RAP1GAP2: variants seen among roughly 807,000 people sequenced by gnomAD.
RAP1GAP2 encodes the protein rap1 GTPase-activating protein 2.
A neutral mutation model predicts 95.0 loss-of-function variants in RAP1GAP2; 27 were observed. The observed-to-expected ratio is 0.28, with a 90% confidence interval of 0.21 to 0.39. RAP1GAP2 has a LOEUF of 0.39. Ranked by LOEUF, RAP1GAP2 falls within the 10% of genes least tolerant of loss-of-function variation. The probability of loss-of-function intolerance (pLI) is 1.00; values close to 1 mark genes in which losing one functional copy is unlikely to be tolerated. For missense variants in RAP1GAP2, 771 were observed against 970.0 expected (o/e 0.79, Z 2.72); for synonymous variants, 373 against 380.9 (o/e 0.98, Z 0.24).
chr17:2,889,135 C>G (rs2073603122), intron 2 of RAP1GAP2, among the ~76,000 whole-genome samples: 1 of 152,098 alleles, frequency 6.6e-6, no homozygotes, highest in African/African-American at 2.4e-5. Flanking sequence ...TGTTCTGTTT[C>G]TAGTGTTTTG....
chr17:2,783,132 C>T (rs933413220), intron 1 of RAP1GAP2, among the ~76,000 whole-genome samples: 4 of 152,260 alleles, frequency 2.6e-5, no homozygotes, highest in African/African-American at 4.8e-5. Flanking sequence ...GTGATGGAGC[C>T]GGGTTCTGAA....
In RAP1GAP2 at chr17:3,029,816, G is replaced by A. The variant is rs1199856647; in HGVS notation, c.2108-1106G>A. Among the ~76,000 whole-genome samples, 2 of 151,876 alleles carry A rather than the reference G, an allele frequency of 1.3e-5. No individual in the cohort carries two copies. Among genetic ancestry groups the A allele is most frequent in the Admixed American group, 6.6e-5 (1 of 15,196 alleles). On this transcript the variant is annotated intron_variant, in intron 22 of 24. Transcript: ENST00000254695. This position sits in a 1 kb window ranked among gnomAD's most constrained non-coding sequence, Gnocchi z 4.4. ...CTGCCACCACTCACACACACTTAAC[G>A]GAATTTTATTATACGATGGATGTCA...
chr17:2,794,524 C>T (rs370861781), upstream of RAP1GAP2, among the ~76,000 whole-genome samples: 13 of 152,288 alleles, frequency 8.5e-5, no homozygotes, highest in African/African-American at 3.1e-4. Flanking sequence ...CCACACAATC[C>T]TAACTTTCCT....
At chr17:2,951,760 G>C (rs918988755) in intron 3 of RAP1GAP2, among the ~76,000 whole-genome samples, 2 of 152,046 alleles carry the variant, frequency 1.3e-5, no homozygotes, top group Non-Finnish European at 2.9e-5. Context: ...TAGGCTGGGC[G>C]CAGTGGCTCA....
rs1452791669 is a variant in RAP1GAP2 at position 2,996,623 on chromosome 17, T to A, written c.1044+1157T>A. Among the ~76,000 whole-genome samples, 7 of 152,320 alleles carry A rather than the reference T, an allele frequency of 4.6e-5. No individual in the cohort carries two copies. In the East Asian group the frequency reaches 1.4e-3, roughly 29 times the overall value. ...AACCTTTCACCTCCAGCCCCTCTGTTCCCTTATGGCCTCTCTCACCTGCTG... is the reference window on the plus strand; with the variant it reads ...AACCTTTCACCTCCAGCCCCTCTGTACCCTTATGGCCTCTCTCACCTGCTG... On this transcript the variant is annotated intron_variant, in intron 13 of 24. Transcript: ENST00000254695.
At chr17:3,020,618 C>T in intron 19 of RAP1GAP2, 23 bp downstream of exon 19, 1 of 1,603,014 alleles carries the variant, frequency 6.2e-7, no homozygotes, top group Non-Finnish European at 8.5e-7. Flanking sequence ...AAACCCCTAC[C>T]CCAGCCTGAC....
At chr17:2,838,803 C>T (rs985169651) in intron 2 of RAP1GAP2, among the ~76,000 whole-genome samples, 3 of 152,180 alleles carry the variant, frequency 2.0e-5, no homozygotes, top group African/African-American at 7.2e-5. Context: ...TGCAGCTCAT[C>T]ACTTCAAGGA....
At position 2,810,522 on chromosome 17, in the gene RAP1GAP2, CTTTTTTTTTTT is replaced by C. The variant is rs1169922962; in HGVS notation, c.80+9988_80+9998del. Among the ~76,000 whole-genome samples the C allele has an allele frequency of 1.7e-4, 12 of 69,428 alleles. No homozygotes were observed. The South Asian group carries it at 7.4e-3, about 43-fold the overall frequency. 45.5% of individuals were successfully genotyped at this position (69,428 alleles called of 152,430 possible). ...GCTATCCCTCCCCTGTCCCCCCACC[CTTTTTTTTTTT>C]TTTTTTTTTTTTTTTGAGACGGAGT... On this transcript the variant is annotated intron_variant, in intron 2 of 24. Transcript: ENST00000254695.
intron 3 of RAP1GAP2, among the ~76,000 whole-genome samples, chr17:2,941,590 G>A (rs1440338682): frequency 2.0e-5 from 3 of 152,042 alleles, no homozygotes; most frequent in Admixed American, 2.0e-4. Context: ...TGAGATGTGG[G>A]ATGCCTTGTG....
rs559697106 is a variant in RAP1GAP2, at chr17:2,873,018, G to C, written c.81-32266G>C. On this transcript the variant is annotated intron_variant, in intron 2 of 24. Transcript: ENST00000254695. Reference sequence around the variant, plus strand: ...CTTGGGAGGCTGAGGCATGAGAATCGCTTGAACCCGAGGGGCGGAGGTTGC... The same window carrying C: ...CTTGGGAGGCTGAGGCATGAGAATCCCTTGAACCCGAGGGGCGGAGGTTGC... Among the ~76,000 whole-genome samples, 43 of 151,716 alleles carry C rather than the reference G, an allele frequency of 2.8e-4. No homozygotes were observed. The South Asian group carries it at 6.3e-3, about 22-fold the overall frequency.
At chr17:2,956,545 C>T (rs1486072847) in intron 3 of RAP1GAP2, among the ~76,000 whole-genome samples, 1 of 152,240 alleles carries the variant, frequency 6.6e-6, no homozygotes, top group Non-Finnish European at 1.5e-5. Flanking sequence ...CACTGTTCCT[C>T]ATCCCTGCTT....
intron 3 of RAP1GAP2, among the ~76,000 whole-genome samples, chr17:2,930,844 C>T (rs926582549): frequency 1.3e-5 from 2 of 152,170 alleles, no homozygotes; most frequent in Non-Finnish European, 2.9e-5. Context: ...AACAAAAGAG[C>T]TGGGCGTGGT....
chr17:3,009,116 G>C (rs557970195), intron 17 of RAP1GAP2, among the ~76,000 whole-genome samples: 1 of 152,250 alleles, frequency 6.6e-6, no homozygotes, highest in Non-Finnish European at 1.5e-5. Flanking sequence ...CAGCTCTGTG[G>C]GATCCTGGGC....
At chr17:2,881,233 C>T (rs1228986993) in intron 2 of RAP1GAP2, among the ~76,000 whole-genome samples, 2 of 151,664 alleles carry the variant, frequency 1.3e-5, no homozygotes, top group African/African-American at 4.8e-5. Flanking sequence ...TGCACTCCAG[C>T]CTGGGGGACA....
At chr17:2,970,167 G>A (rs754204430) in intron 8 of RAP1GAP2, among the ~76,000 whole-genome samples, 7 of 151,218 alleles carry the variant, frequency 4.6e-5, no homozygotes, top group Admixed American at 1.3e-4. Flanking sequence ...CTAGCTACTC[G>A]GGAGGCTGAG....
intron 3 of RAP1GAP2, among the ~76,000 whole-genome samples, chr17:2,918,743 C>T (rs1029366259): frequency 6.6e-6 from 1 of 152,146 alleles, no homozygotes; most frequent in African/African-American, 2.4e-5. Flanking sequence ...CAGCTCCCTG[C>T]AGGCCCCACC....
chr17:2,821,851 G>A (rs9913360), intron 2 of RAP1GAP2, among the ~76,000 whole-genome samples: 29,060 of 152,078 alleles, frequency 0.19, 4,298 homozygotes, highest in African/African-American at 0.42. Flanking sequence ...CTACTGTACA[G>A]CGCTGGTTGA....
At chr17:3,015,183 A>G (rs1407564345) in intron 17 of RAP1GAP2, among the ~76,000 whole-genome samples, 2 of 146,936 alleles carry the variant, frequency 1.4e-5, no homozygotes, top group Non-Finnish European at 3.0e-5. Context: ...AACTGTTGCT[A>G]GGTGACCCTG....
At chr17:2,887,377 CTT>C (rs75268492) in intron 2 of RAP1GAP2, among the ~76,000 whole-genome samples, 3 of 142,200 alleles carry the variant, frequency 2.1e-5, no homozygotes, top group Non-Finnish European at 3.1e-5. Flanking sequence ...GAATACTTAC[CTT>C]TTTTTTTTTT....
Sources: gnomAD v4.1 joint callset for allele counts (sites outside exome capture counted in the v4.1 genomes callset) on GRCh38, gnomAD v4.1.1 for gene constraint, Gnocchi (gnomAD v3.1) non-coding constraint, MANE v1.5 for transcripts, NCBI Gene and HGNC (gene_info 2026-07-23, HGNC 2026-07-21) for gene names.